The following RBM25 variants were observed in gnomAD, a reference collection of about 807,000 sequenced individuals.
RBM25 encodes RNA-binding protein 25.
In RBM25, 19 loss-of-function variants were observed where a neutral mutation model predicts 120.7. The observed-to-expected ratio is 0.16, with a 90% confidence interval of 0.11 to 0.23. The LOEUF (loss-of-function observed/expected upper bound fraction) is 0.23. Among genes scored for constraint, RBM25 ranks in the 10% least tolerant of loss-of-function variants. The pLI is 1.00. For missense variants in RBM25, 605 were observed against 1,041.5 expected, an observed-to-expected ratio of 0.58 and a Z score of 5.77; for synonymous variants, 390 against 326.7, an observed-to-expected ratio of 1.19 and a Z score of -2.09.
At chr14:73,073,116 T>TG (rs1895333076) in intron 2 of RBM25, among the ~76,000 whole-genome samples, 1 of 152,084 alleles carries the variant, frequency 6.6e-6, no homozygotes, top group Non-Finnish European at 1.5e-5. Context: ...TTTATAAAGA[T>TG]GGGGGTCTCA....
At chr14:73,065,778 C>T (rs995152658) in intron 1 of RBM25, among the ~76,000 whole-genome samples, 3 of 151,764 alleles carry the variant, frequency 2.0e-5, no homozygotes. Flanking sequence ...TGGTCTCGAA[C>T]TCCTGACCTC....
intron 6 of RBM25, among the ~76,000 whole-genome samples, chr14:73,093,948 G>GTTTTTTTTT (rs1004873413): frequency 5.7e-5 from 7 of 122,168 alleles, no homozygotes; most frequent in African/African-American, 1.6e-4. Flanking sequence ...ATCAGGTTTT[G>GTTTTTTTTT]TTTTTTTTTT....
Position 73,105,038 on chromosome 14 carries a change from TACACACAC to T in RBM25, c.1155-801_1155-794del, listed in dbSNP as rs57281649. On this transcript the variant is annotated intron_variant, in intron 10 of 18. Coordinates refer to ENST00000261973, the MANE Select transcript of RBM25 (RefSeq NM_021239.3). ...ACATATTTCATATATACATATTAAA[TACACACAC>T]ACACACACACACACACACAGAGTTA... is the stretch of plus-strand genomic sequence containing the variant. Among the ~76,000 whole-genome samples the T allele has an allele frequency of 1.2e-4, 17 of 141,224 alleles. No homozygotes were observed. In the South Asian group the frequency reaches 2.0e-3, roughly 17 times the overall value. The allele number at this position is 141,224 out of a possible 152,430, so 92.6% of individuals were successfully genotyped here.
chr14:73,103,499 C>T (rs1007847894), intron 10 of RBM25, 21 bp downstream of exon 10: 1 of 1,547,424 alleles, frequency 6.5e-7, no homozygotes, highest in African/African-American at 1.4e-5. Context: ...ACAGAAGTTA[C>T]TGTTTCCTGA....
chr14:73,110,692 G>C, intron 14 of RBM25, 139 bp from the exon 15 acceptor site: 2 of 1,044,510 alleles, frequency 1.9e-6, no homozygotes, highest in Non-Finnish European at 2.7e-6. Flanking sequence ...GCCTCCCAAA[G>C]TGCTGGGATT....
intron 4 of RBM25, among the ~76,000 whole-genome samples, chr14:73,080,823 CTTTT>C (rs35197238): frequency 7.1e-6 from 1 of 139,942 alleles, no homozygotes. Flanking sequence ...TTCTTTCTTT[CTTTT>C]TTTTTTTTTT....
At chr14:73,092,761 C>G (rs1392887263) in intron 6 of RBM25, among the ~76,000 whole-genome samples, 3 of 151,920 alleles carry the variant, frequency 2.0e-5, no homozygotes, top group Non-Finnish European at 2.9e-5. Flanking sequence ...GAGATGGGGT[C>G]TCGCGTTGTT....
At chr14:73,089,827 C>T (rs576984615) in intron 6 of RBM25, among the ~76,000 whole-genome samples, 35 of 151,376 alleles carry the variant, frequency 2.3e-4, no homozygotes, top group East Asian at 7.8e-4. Flanking sequence ...CCACCAGGCT[C>T]GGCTACTTTT....
rs1896518569 is a variant in RBM25, at chr14:73,120,370, A to G, written c.*565A>G. The G allele has an allele frequency of 6.6e-6, 1 of 152,462 alleles. No homozygotes were observed. Among genetic ancestry groups the G allele is most frequent in the South Asian group, 2.1e-4 (1 of 4,836 alleles). The allele number at this position is 152,462 out of a possible 1,614,324, so 9.4% of individuals were successfully genotyped here. On this transcript the variant is annotated 3_prime_UTR_variant, in exon 19 of 19. Transcript: ENST00000261973. ...ATGTGTAAAAGTCTTTCTTTTCCCTAATTTGCTTTGGTGGGGTCCTTAAAA... is the reference window on the plus strand; with the variant it reads ...ATGTGTAAAAGTCTTTCTTTTCCCTGATTTGCTTTGGTGGGGTCCTTAAAA...
intron 4 of RBM25, among the ~76,000 whole-genome samples, chr14:73,077,944 T>A (rs1895462416): frequency 6.6e-6 from 1 of 152,112 alleles, no homozygotes; most frequent in African/African-American, 2.4e-5. Flanking sequence ...GGCAGGAGGA[T>A]CTCTTAAGCT....
At chr14:73,095,337 CGT>C (rs1566593653) in intron 6 of RBM25, among the ~76,000 whole-genome samples, 3 of 152,064 alleles carry the variant, frequency 2.0e-5, no homozygotes, top group Non-Finnish European at 4.4e-5. Context: ...TGGGTGTGGT[CGT>C]CACGCCTGTA....
intron 18 of RBM25, among the ~76,000 whole-genome samples, chr14:73,117,308 T>C (rs1896456547): frequency 1.4e-5 from 2 of 142,232 alleles, no homozygotes; most frequent in Admixed American, 1.5e-4. Context: ...CTTGGCTCAC[T>C]GTAACCTCCA....
chr14:73,060,010 A>T (rs1339036186), intron 1 of RBM25, among the ~76,000 whole-genome samples: 3 of 151,954 alleles, frequency 2.0e-5, no homozygotes, highest in African/African-American at 7.2e-5. Flanking sequence ...TAAGAGTCCA[A>T]CCCTGACTCT....
Position 73,111,028 on chromosome 14 carries a change from T to C in RBM25, c.1890T>C (p.Ser630=). 1 of 1,614,226 alleles carries C rather than the reference T, an allele frequency of 6.2e-7. No homozygotes were observed. The highest frequency in any genetic ancestry group is 8.5e-7 in the Non-Finnish European group (1 of 1,180,042). The change falls in exon 15 of 19, where the codon AGT becomes AGC. Residue 630 remains serine (S), a synonymous_variant. Coordinates refer to ENST00000261973, the MANE Select transcript of RBM25 (RefSeq NM_021239.3). The part of the protein sequence containing the change: ...ISSAPSVSSA[S]GNATPNTPGD... ...CTGCTCCATCTGTTTCCTCTGCCAGTGGCAATGCAACACCTAACACTCCTG... is the reference window on the plus strand; with the variant it reads ...CTGCTCCATCTGTTTCCTCTGCCAGCGGCAATGCAACACCTAACACTCCTG...
intron 13 of RBM25, chr14:73,108,986 AT>A (rs1896248680): frequency 6.3e-6 from 1 of 158,474 alleles, no homozygotes; most frequent in South Asian, 1.8e-4. Context: ...GCTACTTGAT[AT>A]ATTTTTTTAG....
chr14:73,111,842 G>C (rs1896315540), intron 16 of RBM25, 40 bp downstream of exon 16: 1 of 1,525,174 alleles, frequency 6.6e-7, no homozygotes, highest in Non-Finnish European at 8.8e-7. Flanking sequence ...ATTGGGAACA[G>C]TTGGAATATG....
intron 5 of RBM25, among the ~76,000 whole-genome samples, chr14:73,086,596 T>C (rs558418600): frequency 5.9e-5 from 9 of 152,326 alleles, no homozygotes; most frequent in South Asian, 2.1e-4. Flanking sequence ...TTCAAGGCCA[T>C]TGGGGATGAT....
At chr14:73,087,964 A>G (rs1449027167) in intron 5 of RBM25, 37 bp from the exon 6 acceptor site, 3 of 1,581,870 alleles carry the variant, frequency 1.9e-6, no homozygotes, top group Admixed American at 3.9e-5. Context: ...TTTGTAAGTG[A>G]ATTGGTATTT....
chr14:73,101,024 TGAG>T (rs1422750005), intron 9 of RBM25: 1 of 152,214 alleles, frequency 6.6e-6, no homozygotes, highest in South Asian at 2.1e-4. Flanking sequence ...TGGTAAATTA[TGAG>T]GAAATCATGT....
Sources: gnomAD v4.1 joint callset for allele counts (sites outside exome capture counted in the v4.1 genomes callset) on GRCh38, gnomAD v4.1.1 for gene constraint, MANE v1.5 for transcripts, NCBI Gene and HGNC (gene_info 2026-07-23, HGNC 2026-07-21) for gene names.